MYH14: variants seen among roughly 807,000 people sequenced by gnomAD.
The protein encoded by MYH14 is myosin heavy chain 14, also known as myosin-14.
A neutral mutation model predicts 255.5 loss-of-function variants in MYH14; 123 were observed. The ratio of observed to expected loss-of-function variants is 0.48; its 90% confidence interval spans 0.42 to 0.56. MYH14 has a LOEUF of 0.56. Ranked by LOEUF, MYH14 falls within the 20% of genes least tolerant of loss-of-function variation. The pLI is 0.00. For missense variants in MYH14, 2,423 were observed against 2,802.3 expected (o/e 0.86, Z 3.06); for synonymous variants, 1,095 against 1,161.2 (o/e 0.94, Z 1.16).
At chr19:50,214,182 C>A (rs759239436) in intron 2 of MYH14, among the ~76,000 whole-genome samples, 1 of 152,170 alleles carries the variant, frequency 6.6e-6, no homozygotes. Flanking sequence ...GACTCCCAGG[C>A]ACCTTATGTA....
chr19:50,276,692 T>A lies in MYH14; in HGVS notation c.3681-65T>A. The A allele has an allele frequency of 6.2e-7, 1 of 1,604,384 alleles. No homozygotes were observed. Among genetic ancestry groups the A allele is most frequent in the East Asian group, 2.2e-5 (1 of 44,818 alleles). ...AACATGAAAAGGAGAAACAACCAGC[T>A]CCCCCAAAGCCCCTGCCTTCCTCTG... On this transcript the variant is annotated intron_variant, in intron 28 of 42. Transcript: ENST00000642316. This position sits in a 1 kb window ranked among gnomAD's most constrained non-coding sequence, Gnocchi z 4.3.
At chr19:50,246,686 G>A (rs1482710991) in intron 11 of MYH14, among the ~76,000 whole-genome samples, 5 of 152,022 alleles carry the variant, frequency 3.3e-5, no homozygotes, top group Admixed American at 2.0e-4. Context: ...AATGAAGCCC[G>A]ACCCATCTAA....
At chr19:50,284,524 C>T (rs1029715237) in intron 33 of MYH14, among the ~76,000 whole-genome samples, 5 of 151,882 alleles carry the variant, frequency 3.3e-5, no homozygotes, top group Admixed American at 1.3e-4. Flanking sequence ...CATGCCGCCA[C>T]ACCCGGCTAA....
At chr19:50,289,169 C>T (rs1046824434) in intron 34 of MYH14, among the ~76,000 whole-genome samples, 4 of 152,150 alleles carry the variant, frequency 2.6e-5, no homozygotes, top group Admixed American at 6.5e-5. Context: ...GCTGACCTAA[C>T]AGACGCTTGT....
chr19:50,258,043 C>T (rs1333707515), intron 18 of MYH14, among the ~76,000 whole-genome samples: 2 of 152,150 alleles, frequency 1.3e-5, no homozygotes, highest in Admixed American at 6.5e-5. Context: ...TGGCCAGCCT[C>T]ACTGGCCACT....
rs971105004 is a variant in MYH14 at position 50,292,334 on chromosome 19, G to A, written c.5201G>A (p.Arg1734Gln). The change falls in exon 37 of 43, where the codon CGG becomes CAG. Residue 1734 changes from arginine (R) to glutamine (Q), a missense_variant. Physicochemically the swap from Arg to Gln is conservative, Grantham distance 43. Transcript: ENST00000642316. ...TSREEIFSQN[R>Q]ESEKRLKGLE... ...CGGGAGGAGATCTTCTCCCAGAATC[G>A]GGAAAGTGAAAAGCGCCTCAAGGGC... 1.3e-5 allele frequency: 20 copies of A among 1,595,814 alleles called. No individual in the cohort carries two copies. The highest frequency in any genetic ancestry group is 1.6e-5 in the Non-Finnish European group (19 of 1,171,870).
At chr19:50,274,316 C>T (rs531388013) in intron 27 of MYH14, among the ~76,000 whole-genome samples, 1 of 151,756 alleles carries the variant, frequency 6.6e-6, no homozygotes, top group Non-Finnish European at 1.5e-5. Flanking sequence ...TTTTATTGAG[C>T]TGGAGTCTTG....
Position 50,252,845 on chromosome 19 carries a change from G to A in MYH14, c.1945+92G>A. ...GAGCACCTTTGTTTCAGAGGCGGAG[G>A]TCTGAACCTGAGTTTTCTGCTCAGA... On this transcript the variant is annotated intron_variant, in intron 16 of 42. Coordinates refer to ENST00000642316, the MANE Select transcript of MYH14 (RefSeq NM_001145809.2). The surrounding 1 kb of genome is among the most constrained non-coding windows in gnomAD (Gnocchi z 4.2). 1 of 882,210 alleles carries A rather than the reference G, an allele frequency of 1.1e-6. No homozygotes were observed. The highest frequency in any genetic ancestry group is 1.7e-5 in the South Asian group (1 of 60,516). The allele number at this position is 882,210 out of a possible 1,614,324, so 54.6% of individuals were successfully genotyped here. A position where few individuals can be genotyped will look rare whatever the true frequency, so the allele number is the denominator to read the frequency against.
intron 33 of MYH14, chr19:50,284,964 T>G (rs1363735525): frequency 1.3e-5 from 2 of 149,738 alleles, no homozygotes; most frequent in African/African-American, 4.9e-5. Flanking sequence ...TGGCGTGATC[T>G]TGGCTTGCTG....
intron 11 of MYH14, among the ~76,000 whole-genome samples, chr19:50,245,620 C>T (rs1267348803): frequency 2.0e-5 from 3 of 152,138 alleles, no homozygotes; most frequent in Non-Finnish European, 4.4e-5. Flanking sequence ...ACCCCCTCTT[C>T]CCCTGGAGAC....
rs751011647 is a variant in MYH14, at chr19:50,247,088, G to A, written c.1295G>A (p.Arg432Gln). The change falls in exon 12 of 43, where the codon CGA becomes CAA. Residue 432 changes from arginine (R) to glutamine (Q), a missense_variant. Physicochemically the swap from Arg to Gln is conservative, Grantham distance 43. Transcript: ENST00000642316. ...ALLTPRIKVG[R>Q]DYVQKAQTKE... ...CTCACCCCTCGCATCAAAGTTGGCC[G>A]AGACTATGTGCAGAAAGCCCAGACT... The A allele has an allele frequency of 2.6e-5, 42 of 1,613,496 alleles. No individual in the cohort carries two copies. In the East Asian group the frequency reaches 3.6e-4, roughly 14 times the overall value.
rs570726110 is a variant in MYH14 at position 50,266,259 on chromosome 19, G to A, written c.2695-618G>A. ...CTCACTAAGGACCTTGGACTAACAG[G>A]CTTAAGAAACACTGGCCTTTGGCCA... is the stretch of plus-strand genomic sequence containing the variant. On this transcript the variant is annotated intron_variant, in intron 22 of 42. Transcript: ENST00000642316. This position sits in a 1 kb window ranked among gnomAD's most constrained non-coding sequence, Gnocchi z 4.1. Among the ~76,000 whole-genome samples, 2 of 152,308 alleles carry A rather than the reference G, an allele frequency of 1.3e-5. No homozygotes were observed. The highest frequency in any genetic ancestry group is 1.3e-4 in the Admixed American group (2 of 15,304).
At chr19:50,277,336 G>A (rs1163632889) in intron 29 of MYH14, among the ~76,000 whole-genome samples, 3 of 152,106 alleles carry the variant, frequency 2.0e-5, no homozygotes, top group African/African-American at 7.2e-5. Context: ...GGGAGTGGCC[G>A]GGCATGGTGG....
rs373336821 is a variant in MYH14, at chr19:50,276,821, G to A, written c.3745G>A (p.Glu1249Lys). The A allele has an allele frequency of 4.0e-5, 65 of 1,613,012 alleles. No homozygotes were observed. Among genetic ancestry groups the A allele is most frequent in the Non-Finnish European group, 5.3e-5 (62 of 1,179,870 alleles). The change falls in exon 29 of 43, where the codon GAG (glutamate) becomes AAG (lysine). Residue 1249 changes from glutamate (E) to lysine (K), a missense_variant. Physicochemically the swap from Glu to Lys is moderately conservative, Grantham distance 56. Around this residue, in one of 3 missense-constraint regions of MYH14, gnomAD observed 1,513 missense variants for 1,674.8 expected, o/e 0.90. Coordinates refer to ENST00000642316, the MANE Select transcript of MYH14 (RefSeq NM_001145809.2). This position sits in a 1 kb window ranked among gnomAD's most constrained non-coding sequence, Gnocchi z 4.3. ...KTLEEETRIH[E>K]AAVQELRQRH... is the part of the protein sequence containing the mutation. Reference sequence around the variant, plus strand: ...TCTGGAGGAGGAGACTCGCATCCACGAGGCGGCAGTGCAGGAGCTGAGGCA... The same window carrying A: ...TCTGGAGGAGGAGACTCGCATCCACAAGGCGGCAGTGCAGGAGCTGAGGCA...
Position 50,293,163 on chromosome 19 carries a change from G to T in MYH14, c.5257-70G>T. ...CAAGAGCCTTGAGGTGTGAGGGACA[G>T]AGAAAGGGGTGAGACCCGTGCCCAG... On this transcript the variant is annotated intron_variant, in intron 37 of 42. Transcript: ENST00000642316. This position sits in a 1 kb window ranked among gnomAD's most constrained non-coding sequence, Gnocchi z 4.1. The T allele has an allele frequency of 8.8e-7, 1 of 1,133,414 alleles. No individual in the cohort carries two copies. The highest frequency in any genetic ancestry group is 1.3e-5 in the South Asian group (1 of 75,794). 70.2% of individuals were successfully genotyped at this position (1,133,414 alleles called of 1,614,324 possible). A position where few individuals can be genotyped will look rare whatever the true frequency, so the allele number is the denominator to read the frequency against.
At chr19:50,213,876 A>C (rs1237192857) in intron 2 of MYH14, among the ~76,000 whole-genome samples, 2 of 152,144 alleles carry the variant, frequency 1.3e-5, no homozygotes, top group Non-Finnish European at 2.9e-5. Flanking sequence ...CACAGGCTGG[A>C]GTGCAATGGC....
At chr19:50,278,912 C>T (rs80205307) in intron 30 of MYH14, among the ~76,000 whole-genome samples, 10,181 of 151,604 alleles carry the variant, frequency 0.067, 475 homozygotes, top group Non-Finnish European at 0.1. Flanking sequence ...CACTTGAACC[C>T]GGGAGGCAGA....
intron 6 of MYH14, 25 bp downstream of exon 6, chr19:50,224,202 G>A (rs779456871): frequency 2.6e-5 from 42 of 1,613,788 alleles, no homozygotes; most frequent in Non-Finnish European, 3.5e-5. Flanking sequence ...ATCACCTCGA[G>A]TCTTGCTGCC....
chr19:50,275,656 T>C (rs912168381), intron 27 of MYH14, among the ~76,000 whole-genome samples: 2 of 152,172 alleles, frequency 1.3e-5, no homozygotes, highest in African/African-American at 4.8e-5. Context: ...AGGCAGACCT[T>C]GTCTCTTTGG....
Sources: allele counts gnomAD v4.1 joint callset (sites outside exome capture counted in the v4.1 genomes callset), GRCh38; gene constraint gnomAD v4.1.1; regional missense constraint gnomAD v4.1.1; non-coding constraint Gnocchi (gnomAD v3.1); transcripts MANE v1.5; gene names NCBI Gene and HGNC (gene_info 2026-07-23, HGNC 2026-07-21).